SLC35F1: variants seen among roughly 807,000 people sequenced by gnomAD.
SLC35F1 encodes chromosome 6 open reading frame 169.
Under a neutral mutation model 48.7 loss-of-function variants are expected in SLC35F1, and 14 were observed. That is an observed-to-expected ratio of 0.29 (90% CI 0.19 to 0.45). SLC35F1 has a LOEUF of 0.45. Among genes scored for constraint, SLC35F1 ranks in the 20% least tolerant of loss-of-function variants. The pLI, the probability that SLC35F1 is intolerant of heterozygous loss-of-function variation, is 1.00. For missense variants in SLC35F1, 404 were observed against 500.0 expected (o/e 0.81, Z 1.83); for synonymous variants, 190 against 202.2 (o/e 0.94, Z 0.51).
intron 1 of SLC35F1, among the ~76,000 whole-genome samples, chr6:118,085,700 A>C: frequency 2.3e-5 from 1 of 43,664 alleles, no homozygotes; most frequent in South Asian, 1.8e-3. Flanking sequence ...CGGATTTTAC[A>C]GCTTGCCCTA....
intron 1 of SLC35F1, among the ~76,000 whole-genome samples, chr6:118,118,024 T>A (rs1202929303): frequency 6.6e-6 from 1 of 152,214 alleles, no homozygotes; most frequent in East Asian, 1.9e-4. Flanking sequence ...CTGTTATGAA[T>A]AATGCCACTA....
chr6:118,280,103 T>A (rs1187162063), intron 6 of SLC35F1, among the ~76,000 whole-genome samples: 1 of 152,228 alleles, frequency 6.6e-6, no homozygotes, highest in Non-Finnish European at 1.5e-5. Context: ...AGCAAGAAGA[T>A]AATAGTTATT....
chr6:118,186,986 A>G (rs924155356), intron 2 of SLC35F1, among the ~76,000 whole-genome samples: 1 of 152,176 alleles, frequency 6.6e-6, no homozygotes, highest in Non-Finnish European at 1.5e-5. Context: ...TCCCATATCA[A>G]TCCAATTACT....
At chr6:118,264,210 A>G (rs1407504198) in intron 3 of SLC35F1, among the ~76,000 whole-genome samples, 2 of 152,220 alleles carry the variant, frequency 1.3e-5, no homozygotes, top group Non-Finnish European at 2.9e-5. Context: ...AGCATGAGAC[A>G]ATCTTGCAAA....
chr6:118,142,770 G>A (rs1359910667), intron 1 of SLC35F1, among the ~76,000 whole-genome samples: 1 of 152,142 alleles, frequency 6.6e-6, no homozygotes, highest in African/African-American at 2.4e-5. Flanking sequence ...TCTGTCAAAA[G>A]TGCTGAGATA....
chr6:118,161,894 G>A, intron 2 of SLC35F1, among the ~76,000 whole-genome samples: 1 of 152,226 alleles, frequency 6.6e-6, no homozygotes, highest in East Asian at 1.9e-4. Flanking sequence ...AGTAGGTAGA[G>A]CAACTGGAAC....
intron 1 of SLC35F1, among the ~76,000 whole-genome samples, chr6:117,987,097 T>C (rs140069548): frequency 1.6e-4 from 25 of 152,312 alleles, no homozygotes; most frequent in African/African-American, 5.8e-4. Context: ...ACCTAACTGC[T>C]TTCTCAATTT....
At chr6:118,300,149 A>G (rs1582777760) in intron 7 of SLC35F1, among the ~76,000 whole-genome samples, 2 of 152,204 alleles carry the variant, frequency 1.3e-5, no homozygotes, top group Non-Finnish European at 2.9e-5. Context: ...TTACATCTGT[A>G]CTGAACCTTA....
At chr6:118,165,474 T>A (rs1774303384) in intron 2 of SLC35F1, among the ~76,000 whole-genome samples, 1 of 152,214 alleles carries the variant, frequency 6.6e-6, no homozygotes, top group Admixed American at 6.5e-5. Flanking sequence ...CCCAAGTTAC[T>A]ATTCTTTGCT....
chr6:118,263,097 C>T (rs1284543243), intron 3 of SLC35F1, among the ~76,000 whole-genome samples: 2 of 152,128 alleles, frequency 1.3e-5, no homozygotes, highest in Non-Finnish European at 2.9e-5. Flanking sequence ...CACTCTGTTG[C>T]CCAGGATGGA....
At chr6:118,283,908 C>A (rs1040821589) in intron 6 of SLC35F1, among the ~76,000 whole-genome samples, 3 of 152,314 alleles carry the variant, frequency 2.0e-5, no homozygotes, top group Middle Eastern at 3.4e-3. Context: ...ATAGAATCTA[C>A]ACGTAGGACT....
chr6:118,240,066 A>G (rs1475918532), intron 3 of SLC35F1, among the ~76,000 whole-genome samples: 1 of 152,182 alleles, frequency 6.6e-6, no homozygotes, highest in African/African-American at 2.4e-5. Flanking sequence ...TGTTTTACTC[A>G]TATTAATCCA....
At chr6:117,972,901 ACAATT>A (rs1391136703) in intron 1 of SLC35F1, among the ~76,000 whole-genome samples, 10 of 152,346 alleles carry the variant, frequency 6.6e-5, no homozygotes, top group Admixed American at 2.0e-4. Flanking sequence ...CCTAGATGCT[ACAATT>A]TAATAAGTTT....
chr6:118,129,291 G>GA (rs1773675340), intron 1 of SLC35F1, among the ~76,000 whole-genome samples: 1 of 152,154 alleles, frequency 6.6e-6, no homozygotes, highest in African/African-American at 2.4e-5. Flanking sequence ...CTAAGGAAGA[G>GA]AATGGGGTGA....
chr6:117,935,942 G>A (rs890429714), intron 1 of SLC35F1, among the ~76,000 whole-genome samples: 2 of 152,186 alleles, frequency 1.3e-5, no homozygotes, highest in African/African-American at 4.8e-5. Context: ...CAAACAATGA[G>A]GATCAACCAT....
At chr6:117,917,971 G>GA (rs35053793) in intron 1 of SLC35F1, among the ~76,000 whole-genome samples, 121,712 of 151,964 alleles carry the variant, frequency 0.8, 48,975 homozygotes, top group South Asian at 0.9. Flanking sequence ...GAAGCCAAGA[G>GA]AGAAGATGTT....
intron 1 of SLC35F1, among the ~76,000 whole-genome samples, chr6:117,967,135 T>C (rs1028877227): frequency 6.6e-6 from 1 of 152,140 alleles, no homozygotes; most frequent in Non-Finnish European, 1.5e-5. Context: ...TACTTTGCTA[T>C]ATCATCCAAA....
intron 2 of SLC35F1, among the ~76,000 whole-genome samples, chr6:118,230,886 A>C (rs1191234016): frequency 6.6e-6 from 1 of 152,056 alleles, no homozygotes; most frequent in African/African-American, 2.4e-5. Flanking sequence ...ACTTGAGCCC[A>C]GGAAGTCAGG....
intron 2 of SLC35F1, among the ~76,000 whole-genome samples, chr6:118,205,683 A>G (rs1774926284): frequency 6.6e-6 from 1 of 152,232 alleles, no homozygotes; most frequent in African/African-American, 2.4e-5. Flanking sequence ...TCAAACAGGT[A>G]TTTGTATACC....
Sources: gnomAD v4.1 joint callset for allele counts (sites outside exome capture counted in the v4.1 genomes callset) on GRCh38, gnomAD v4.1.1 for gene constraint, MANE v1.5 for transcripts, NCBI Gene and HGNC (gene_info 2026-07-23, HGNC 2026-07-21) for gene names.